IGF2BP1: variants seen among roughly 807,000 people sequenced by gnomAD.
IGF2BP1 encodes the protein insulin like growth factor 2 mRNA binding protein 1.
In IGF2BP1, 11 loss-of-function variants were observed where a neutral mutation model predicts 74.9. The observed-to-expected ratio is 0.15, with a 90% CI of 0.09 to 0.24. The LOEUF is 0.24. IGF2BP1 is among the 10% of genes least tolerant of loss of function. IGF2BP1 has a pLI of 1.00. For synonymous variants in IGF2BP1, 287 were observed against 281.8 expected, an observed-to-expected ratio of 1.02 and a Z score of -0.18; for missense variants, 440 against 757.4, an observed-to-expected ratio of 0.58 and a Z score of 4.92.
At chr17:49,026,880 A>G (rs535063467) in intron 4 of IGF2BP1, among the ~76,000 whole-genome samples, 22 of 152,126 alleles carry the variant, frequency 1.4e-4, no homozygotes, top group African/African-American at 5.3e-4. Context: ...AGTAGCTGGG[A>G]TTATAGGCAC....
chr17:49,035,267 C>T (rs934425780), intron 5 of IGF2BP1, among the ~76,000 whole-genome samples: 8 of 152,248 alleles, frequency 5.3e-5, no homozygotes, highest in Non-Finnish European at 8.8e-5. Context: ...TGAATTTGGA[C>T]TTCTACCTTA....
intron 2 of IGF2BP1, among the ~76,000 whole-genome samples, chr17:49,021,111 C>G (rs2041786326): frequency 6.6e-6 from 1 of 151,924 alleles, no homozygotes; most frequent in African/African-American, 2.4e-5. Context: ...CCACTGCACT[C>G]CAGCCTGGAT....
At chr17:49,044,590 C>A (rs999673321) in intron 11 of IGF2BP1, among the ~76,000 whole-genome samples, 1 of 152,222 alleles carries the variant, frequency 6.6e-6, no homozygotes, top group Non-Finnish European at 1.5e-5. Flanking sequence ...AACCTAAATC[C>A]GGTTGCTTTA....
At chr17:49,042,089 C>T (rs184007773) in intron 8 of IGF2BP1, among the ~76,000 whole-genome samples, 153 bp from the exon 9 acceptor site, 73 of 152,314 alleles carry the variant, frequency 4.8e-4, no homozygotes, top group Non-Finnish European at 8.5e-4. Context: ...AAACTGGGAA[C>T]ACCAAAGACT....
At chr17:49,020,031 T>C (rs1478926490) in intron 2 of IGF2BP1, among the ~76,000 whole-genome samples, 2 of 102,746 alleles carry the variant, frequency 1.9e-5, no homozygotes, top group South Asian at 3.6e-4. Flanking sequence ...CACACACACA[T>C]ATATATGTAT....
chr17:49,014,970 C>T, intron 2 of IGF2BP1: 2 of 982,630 alleles, frequency 2.0e-6, no homozygotes, highest in Non-Finnish European at 2.4e-6. Flanking sequence ...CCTCTCATGA[C>T]GCCTTCCACT....
At position 49,055,493 on chromosome 17, in the gene IGF2BP1, A is replaced by T; in HGVS notation, c.*6049A>T. 5.2e-6 allele frequency: 2 copies of T among 384,576 alleles called. No homozygotes were observed. The highest frequency in any genetic ancestry group is 4.6e-6 in the Non-Finnish European group (1 of 217,552). 23.8% of individuals were successfully genotyped at this position (384,576 alleles called of 1,614,324 possible). ...TAAAGGCTTTGTTTTGGGGATGCTT[A>T]AATCTTGACTGGCACTTCCCGGCTG... On this transcript the variant is annotated 3_prime_UTR_variant, in exon 15 of 15. Transcript: ENST00000290341.
intron 2 of IGF2BP1, chr17:49,004,533 A>G (rs1384445831): frequency 6.6e-6 from 1 of 152,218 alleles, no homozygotes; most frequent in Non-Finnish European, 1.5e-5. Flanking sequence ...ATAGAACCTT[A>G]AAGAGTTAAG....
intron 2 of IGF2BP1, among the ~76,000 whole-genome samples, chr17:49,021,253 T>C (rs2041788691): frequency 6.6e-6 from 1 of 152,242 alleles, no homozygotes; most frequent in East Asian, 1.9e-4. Flanking sequence ...GGATGAGAAC[T>C]CTCAGCCCAG....
At chr17:49,002,582 A>G (rs1282339040) in intron 2 of IGF2BP1, among the ~76,000 whole-genome samples, 2 of 152,098 alleles carry the variant, frequency 1.3e-5, no homozygotes, top group African/African-American at 4.8e-5. Flanking sequence ...TCAAAAAGAA[A>G]GTTTTTAACT....
intron 2 of IGF2BP1, among the ~76,000 whole-genome samples, chr17:49,015,405 G>A (rs973309235): frequency 1.3e-5 from 2 of 152,134 alleles, no homozygotes; most frequent in East Asian, 1.9e-4. Context: ...TCCCTCGGTC[G>A]GAGCTTAGTA....
At chr17:49,043,663 A>G in intron 10 of IGF2BP1, 113 bp downstream of exon 10, 1 of 1,329,072 alleles carries the variant, frequency 7.5e-7, no homozygotes, top group South Asian at 1.4e-5. Context: ...GGGAGAGGGA[A>G]GGAAGGTCTC....
At chr17:49,034,934 C>T (rs536243706) in intron 5 of IGF2BP1, among the ~76,000 whole-genome samples, 26 of 152,226 alleles carry the variant, frequency 1.7e-4, no homozygotes, top group African/African-American at 6.0e-4. Context: ...TATGCAGTTT[C>T]GGCTGACATT....
intron 5 of IGF2BP1, among the ~76,000 whole-genome samples, chr17:49,035,790 A>T (rs2041980110): frequency 2.0e-5 from 3 of 152,146 alleles, no homozygotes; most frequent in Admixed American, 2.0e-4. Context: ...GCCCCCCACC[A>T]CTTTGCTGGA....
chr17:49,015,199 CTG>C (rs1164785865), intron 2 of IGF2BP1, among the ~76,000 whole-genome samples: 4 of 152,186 alleles, frequency 2.6e-5, no homozygotes, highest in African/African-American at 7.2e-5. Context: ...TCTCGAACTT[CTG>C]ACTTCAGATG....
At chr17:49,033,594 C>A (rs2041948880) in intron 5 of IGF2BP1, among the ~76,000 whole-genome samples, 1 of 152,074 alleles carries the variant, frequency 6.6e-6, no homozygotes, top group Admixed American at 6.5e-5. Flanking sequence ...CCACCCACCT[C>A]AGCCCCCCAG....
intron 2 of IGF2BP1, among the ~76,000 whole-genome samples, chr17:49,019,944 A>ATATATATT (rs2041765337): frequency 1.8e-5 from 1 of 55,824 alleles, no homozygotes; most frequent in Non-Finnish European, 3.3e-5. Flanking sequence ...ATATATATAT[A>ATATATATT]TATATTTATA....
chr17:49,023,787 A>G (rs1357779813), intron 2 of IGF2BP1, among the ~76,000 whole-genome samples: 1 of 152,226 alleles, frequency 6.6e-6, no homozygotes, highest in Non-Finnish European at 1.5e-5. Context: ...AAACAAAGAT[A>G]TAAATGCAAT....
intron 4 of IGF2BP1, among the ~76,000 whole-genome samples, chr17:49,028,994 A>G (rs1291510948): frequency 6.6e-6 from 1 of 152,072 alleles, no homozygotes; most frequent in African/African-American, 2.4e-5. Context: ...TTTAGTAGAG[A>G]TGGGGTTTCA....
Sources: allele counts gnomAD v4.1 joint callset (sites outside exome capture counted in the v4.1 genomes callset), GRCh38; gene constraint gnomAD v4.1.1; transcripts MANE v1.5; gene names NCBI Gene and HGNC (gene_info 2026-07-23, HGNC 2026-07-21).